The following AFG1L variants were observed in gnomAD, a reference collection of about 807,000 sequenced individuals.
The protein encoded by AFG1L is AFG1 like ATPase.
AFG1L carries 53 observed loss-of-function variants against 62.2 expected under a neutral mutation model. The ratio of observed to expected loss-of-function variants is 0.85; its 90% CI spans 0.68 to 1.07. The LOEUF is 1.07. AFG1L is among the 50% of genes least tolerant of loss of function. The probability of loss-of-function intolerance (pLI) is 0.00; values close to 1 mark genes in which losing one functional copy is unlikely to be tolerated. For missense variants in AFG1L, 555 were observed against 590.5 expected (o/e 0.94, Z 0.62); for synonymous variants, 228 against 210.3 (o/e 1.08, Z -0.73).
chr6:108,415,120 A>G (rs911088487), intron 7 of AFG1L, among the ~76,000 whole-genome samples: 11 of 152,212 alleles, frequency 7.2e-5, no homozygotes, highest in African/African-American at 2.4e-4. Flanking sequence ...ATTCCTCTAC[A>G]CCAATAACAG....
intron 10 of AFG1L, among the ~76,000 whole-genome samples, chr6:108,493,054 A>G (rs1477858968): frequency 6.6e-6 from 1 of 152,172 alleles, no homozygotes; most frequent in African/African-American, 2.4e-5. Context: ...ATTAGGCTAA[A>G]TGCTTACTGT....
intron 5 of AFG1L, among the ~76,000 whole-genome samples, chr6:108,360,522 GT>G (rs1554188402): frequency 4.6e-5 from 7 of 152,178 alleles, no homozygotes; most frequent in Non-Finnish European, 1.5e-5. Context: ...CCCTGAGCAA[GT>G]TTGGCCTGAA....
At chr6:108,432,822 C>T (rs1771134372) in intron 7 of AFG1L, among the ~76,000 whole-genome samples, 1 of 152,194 alleles carries the variant, frequency 6.6e-6, no homozygotes, top group Non-Finnish European at 1.5e-5. Flanking sequence ...GGAGTGGGGC[C>T]TGGATGTTGG....
At chr6:108,516,347 A>G (rs549752118) in intron 11 of AFG1L, among the ~76,000 whole-genome samples, 2 of 152,372 alleles carry the variant, frequency 1.3e-5, no homozygotes, top group East Asian at 1.9e-4. Context: ...CTGGTTCAAC[A>G]TACACAAATC....
intron 1 of AFG1L, among the ~76,000 whole-genome samples, chr6:108,316,564 C>A (rs1483501756): frequency 7.5e-6 from 1 of 133,634 alleles, no homozygotes; most frequent in Non-Finnish European, 1.6e-5. Flanking sequence ...GATAGAGTCT[C>A]ACTCTGTTGC....
chr6:108,465,306 A>C lies in AFG1L; in HGVS notation c.891-11559A>C, dbSNP rs138059689. Among the ~76,000 whole-genome samples, 513 of 152,294 alleles carry C rather than the reference A, an allele frequency of 3.4e-3. 4 individuals carry two copies. Among genetic ancestry groups the C allele is most frequent in the African/African-American group, 0.012 (489 of 41,560 alleles). ...CATGCTGTGGTCTTTCCATACAACTACTGTTGACTACCAGATGTCTCTACT... is the reference window on the plus strand; with the variant it reads ...CATGCTGTGGTCTTTCCATACAACTCCTGTTGACTACCAGATGTCTCTACT... On this transcript the variant is annotated intron_variant, in intron 8 of 12. Transcript: ENST00000368977.
At chr6:108,385,534 T>G (rs1057312608) in intron 6 of AFG1L, among the ~76,000 whole-genome samples, 1 of 152,236 alleles carries the variant, frequency 6.6e-6, no homozygotes, top group African/African-American at 2.4e-5. Flanking sequence ...TGCTTATCAC[T>G]GGCTTGCTGT....
At chr6:108,511,089 C>CAAA in intron 11 of AFG1L, among the ~76,000 whole-genome samples, 1 of 74,020 alleles carries the variant, frequency 1.4e-5, no homozygotes, top group African/African-American at 5.2e-5. Context: ...CCCTATCTCT[C>CAAA]AAAAAAAAAA....
chr6:108,483,603 T>C (rs1773410875), intron 10 of AFG1L, among the ~76,000 whole-genome samples: 2 of 152,238 alleles, frequency 1.3e-5, no homozygotes, highest in Admixed American at 6.5e-5. Flanking sequence ...AAAATTTTCC[T>C]TAACTGATAA....
chr6:108,338,545 G>A (rs1778557726), intron 2 of AFG1L, among the ~76,000 whole-genome samples: 1 of 151,874 alleles, frequency 6.6e-6, no homozygotes, highest in South Asian at 2.1e-4. Context: ...ATGTTGTCCA[G>A]GTTGGTCTTG....
Position 108,337,761 on chromosome 6 carries a change from A to G in AFG1L, c.364-9227A>G, listed in dbSNP as rs541055928. 1.8e-4 allele frequency among the ~76,000 whole-genome samples: 28 copies of G among 152,256 alleles called. 1 individual carries two copies. The highest frequency in any genetic ancestry group is 3.4e-4 in the Non-Finnish European group (23 of 68,050). On this transcript the variant is annotated intron_variant, in intron 2 of 12. Coordinates refer to ENST00000368977, the MANE Select transcript of AFG1L (RefSeq NM_145315.5). ...GGTAGTAACAATGAGGTATATTGAA[A>G]TAAATAATCAAAAAATTCCGAAGCT...
chr6:108,409,155 A>G (rs958042331), intron 7 of AFG1L, among the ~76,000 whole-genome samples: 1 of 152,236 alleles, frequency 6.6e-6, no homozygotes, highest in African/African-American at 2.4e-5. Flanking sequence ...ACTGGAAAGA[A>G]ATATCCCAAA....
intron 1 of AFG1L, among the ~76,000 whole-genome samples, chr6:108,311,522 T>G (rs956660942): frequency 6.6e-6 from 1 of 152,146 alleles, no homozygotes; most frequent in Non-Finnish European, 1.5e-5. Context: ...CTTGTTTGTT[T>G]TGTTTTTGTT....
intron 8 of AFG1L, among the ~76,000 whole-genome samples, chr6:108,463,409 CT>C (rs34658383): frequency 0.59 from 79,380 of 135,516 alleles, 23,843 homozygotes; most frequent in African/African-American, 0.83. Flanking sequence ...CTTCTCCCTC[CT>C]TTTTTTTTTT....
rs539232525 is a variant in AFG1L, at chr6:108,422,477, C to CAAAAAAAAAAAAAAAAAAAAAA, written c.807+20424_807+20445dup. 8.6e-3 allele frequency among the ~76,000 whole-genome samples: 395 copies of CAAAAAAAAAAAAAAAAAAAAAA among 45,766 alleles called. 70 individuals are homozygous for CAAAAAAAAAAAAAAAAAAAAAA. Among genetic ancestry groups the CAAAAAAAAAAAAAAAAAAAAAA allele is most frequent in the Middle Eastern group, 0.024 (1 of 42 alleles). The allele number at this position is 45,766 out of a possible 152,430, so 30.0% of individuals were successfully genotyped here. On this transcript the variant is annotated intron_variant, in intron 7 of 12. Transcript: ENST00000368977. ...ATATTTTTTTAAAATTAGTCCTCAG[C>CAAAAAAAAAAAAAAAAAAAAAA]AAAAAAAAAAAAAAAAAAAAAAGAA...
intron 6 of AFG1L, among the ~76,000 whole-genome samples, chr6:108,369,341 A>G (rs1016988276): frequency 1.3e-5 from 2 of 152,230 alleles, no homozygotes; most frequent in African/African-American, 2.4e-5. Context: ...GTTACATATT[A>G]TAAGTAAATT....
At chr6:108,359,411 G>C (rs1000666903) in intron 5 of AFG1L, 1 of 152,188 alleles carries the variant, frequency 6.6e-6, no homozygotes, top group African/African-American at 2.4e-5. Flanking sequence ...GAGATCCAGG[G>C]GAGACAGGCT....
chr6:108,379,089 C>T (rs1406199332), intron 6 of AFG1L, among the ~76,000 whole-genome samples: 3 of 148,640 alleles, frequency 2.0e-5, no homozygotes, highest in South Asian at 2.2e-4. Flanking sequence ...TGGCTTACTA[C>T]AACCTCCTCC....
intron 3 of AFG1L, among the ~76,000 whole-genome samples, chr6:108,352,953 G>A (rs754598004): frequency 6.6e-6 from 1 of 152,098 alleles, no homozygotes; most frequent in Non-Finnish European, 1.5e-5. Context: ...AGGGCCAACT[G>A]TAACATTTTA....
Sources: gnomAD v4.1 joint callset for allele counts (sites outside exome capture counted in the v4.1 genomes callset) on GRCh38, gnomAD v4.1.1 for gene constraint, MANE v1.5 for transcripts, NCBI Gene and HGNC (gene_info 2026-07-23, HGNC 2026-07-21) for gene names.